EBF1: variants seen among roughly 807,000 people sequenced by gnomAD.
EBF1 encodes the protein EBF transcription factor 1, also known as transcription factor COE1.
A neutral mutation model predicts 68.4 loss-of-function variants in EBF1; 10 were observed. That is an observed-to-expected ratio of 0.15 (90% CI 0.09 to 0.25). The LOEUF is 0.25. EBF1 is among the 10% of genes least tolerant of loss of function. The pLI is 1.00. For synonymous variants in EBF1, 298 were observed against 299.8 expected (o/e 0.99, Z 0.06); for missense variants, 509 against 794.4 (o/e 0.64, Z 4.32).
intron 6 of EBF1, among the ~76,000 whole-genome samples, chr5:158,978,850 C>T (rs1254619382): frequency 6.9e-6 from 1 of 145,624 alleles, no homozygotes; most frequent in South Asian, 2.1e-4. Flanking sequence ...AGAGAGTCCA[C>T]AGTTCTCTTT....
intron 7 of EBF1, among the ~76,000 whole-genome samples, chr5:158,826,731 G>A (rs1032905560): frequency 2.6e-5 from 4 of 152,146 alleles, no homozygotes; most frequent in African/African-American, 7.2e-5. Context: ...CTTTCTAGTT[G>A]AGAGTATTCG....
At chr5:158,799,683 T>C (rs1034228729) in intron 8 of EBF1, among the ~76,000 whole-genome samples, 5 of 152,158 alleles carry the variant, frequency 3.3e-5, no homozygotes, top group Non-Finnish European at 5.9e-5. Context: ...CCACTGTTTC[T>C]CAACATCTGT....
intron 6 of EBF1, among the ~76,000 whole-genome samples, chr5:158,927,627 T>C (rs948230138): frequency 6.6e-6 from 1 of 152,246 alleles, no homozygotes; most frequent in African/African-American, 2.4e-5. Flanking sequence ...AATGCCATTC[T>C]GGGTACTTCC....
intron 6 of EBF1, among the ~76,000 whole-genome samples, chr5:158,902,015 A>AG (rs924294930): frequency 7.9e-5 from 12 of 152,054 alleles, no homozygotes; most frequent in African/African-American, 1.7e-4. Flanking sequence ...CACTTGAACC[A>AG]GGGGGGCGGA....
intron 8 of EBF1, among the ~76,000 whole-genome samples, chr5:158,804,186 A>G (rs1261891202): frequency 4.6e-5 from 7 of 151,836 alleles, no homozygotes; most frequent in Admixed American, 1.3e-4. Context: ...AAAAGGAAAA[A>G]TTCACAGGCA....
At chr5:159,052,866 T>G (rs1206758584) in intron 6 of EBF1, among the ~76,000 whole-genome samples, 1 of 152,168 alleles carries the variant, frequency 6.6e-6, no homozygotes, top group East Asian at 1.9e-4. Flanking sequence ...ACATCTTTTT[T>G]GTGGTTGTAA....
intron 9 of EBF1, among the ~76,000 whole-genome samples, chr5:158,792,566 C>T (rs1778853621): frequency 6.6e-6 from 1 of 152,186 alleles, no homozygotes; most frequent in South Asian, 2.1e-4. Context: ...TCCACTTGTC[C>T]TAGCCTGCCA....
intron 6 of EBF1, among the ~76,000 whole-genome samples, chr5:159,056,467 A>G (rs1434372942): frequency 6.6e-6 from 1 of 152,154 alleles, no homozygotes; most frequent in Non-Finnish European, 1.5e-5. Context: ...GCCTTCTGGA[A>G]TCATTCTCCT....
At chr5:159,047,790 G>T (rs1214671538) in intron 6 of EBF1, among the ~76,000 whole-genome samples, 1 of 152,070 alleles carries the variant, frequency 6.6e-6, no homozygotes, top group Non-Finnish European at 1.5e-5. Context: ...CCTCCCACGG[G>T]GGTATAACCT....
At chr5:158,724,846 T>C (rs1762663619) in intron 11 of EBF1, among the ~76,000 whole-genome samples, 1 of 152,238 alleles carries the variant, frequency 6.6e-6, no homozygotes. Flanking sequence ...TCTTCCTTCA[T>C]GGTGTGTTCA....
intron 6 of EBF1, among the ~76,000 whole-genome samples, chr5:158,930,139 C>T (rs898097906): frequency 1.1e-4 from 17 of 151,728 alleles, no homozygotes; most frequent in African/African-American, 3.9e-4. Context: ...GTTAGAAATA[C>T]GAAATGCAAG....
At chr5:158,834,211 G>A (rs1018018711) in intron 7 of EBF1, among the ~76,000 whole-genome samples, 2 of 152,122 alleles carry the variant, frequency 1.3e-5, no homozygotes, top group African/African-American at 4.8e-5. Context: ...AAATCTTAAG[G>A]TTGAATTGTC....
chr5:158,898,533 C>T (rs548721796), intron 6 of EBF1, among the ~76,000 whole-genome samples: 3 of 152,320 alleles, frequency 2.0e-5, no homozygotes, highest in African/African-American at 7.2e-5. Context: ...TTCCAAACTA[C>T]CCAGTACCAG....
At chr5:158,723,495 ATAT>A (rs1762360806) in intron 11 of EBF1, among the ~76,000 whole-genome samples, 1 of 152,174 alleles carries the variant, frequency 6.6e-6, no homozygotes, top group Non-Finnish European at 1.5e-5. Flanking sequence ...ATAACCAGCA[ATAT>A]TATTAATAAT....
At chr5:158,823,436 A>G (rs572961084) in intron 7 of EBF1, 119 bp from the exon 8 acceptor site, 2 of 931,390 alleles carry the variant, frequency 2.1e-6, no homozygotes, top group East Asian at 5.3e-5. Context: ...ATTTCACATA[A>G]TAACTGGTGC....
intron 6 of EBF1, among the ~76,000 whole-genome samples, chr5:159,057,107 T>C (rs1182815491): frequency 7.2e-6 from 1 of 138,334 alleles, no homozygotes; most frequent in Non-Finnish European, 1.5e-5. Context: ...TTCTTTTCTT[T>C]TTTTTTTTTT....
At chr5:158,868,068 A>T (rs1349916740) in intron 6 of EBF1, among the ~76,000 whole-genome samples, 1 of 152,202 alleles carries the variant, frequency 6.6e-6, no homozygotes, top group Non-Finnish European at 1.5e-5. Flanking sequence ...TCGCTCAAAT[A>T]TCAGGGACGG....
intron 6 of EBF1, among the ~76,000 whole-genome samples, chr5:158,848,439 G>T (rs770958819): frequency 1.3e-5 from 2 of 151,902 alleles, no homozygotes; most frequent in African/African-American, 2.4e-5. Context: ...AATATTTTTT[G>T]AGTTTGCTCC....
At chr5:158,943,218 G>A (rs1030466431) in intron 6 of EBF1, among the ~76,000 whole-genome samples, 1 of 152,044 alleles carries the variant, frequency 6.6e-6, no homozygotes, top group East Asian at 1.9e-4. Flanking sequence ...TGACACATAG[G>A]CTAGTCATCA....
Sources: allele counts gnomAD v4.1 joint callset (sites outside exome capture counted in the v4.1 genomes callset), GRCh38; gene constraint gnomAD v4.1.1; transcripts MANE v1.5; gene names NCBI Gene and HGNC (gene_info 2026-07-23, HGNC 2026-07-21).